The following JAM3 variants were observed in gnomAD, a reference collection of about 807,000 sequenced individuals.
The protein encoded by JAM3 is junctional adhesion molecule C.
In JAM3, 31 loss-of-function variants were observed where a neutral mutation model predicts 39.4. The observed-to-expected ratio is 0.79, with a 90% CI of 0.59 to 1.06. JAM3 has a LOEUF of 1.06. Among genes scored for constraint, JAM3 ranks in the 50% least tolerant of loss-of-function variants. The probability of loss-of-function intolerance (pLI) is 0.00; values close to 1 mark genes in which losing one functional copy is unlikely to be tolerated. For missense variants in JAM3, 455 were observed against 391.4 expected, an observed-to-expected ratio of 1.16 and a Z score of -1.37; for synonymous variants, 182 against 148.7, an observed-to-expected ratio of 1.22 and a Z score of -1.63.
intron 1 of JAM3, among the ~76,000 whole-genome samples, chr11:134,112,772 A>G (rs1008245794): frequency 2.6e-5 from 4 of 152,180 alleles, no homozygotes; most frequent in African/African-American, 4.8e-5. Context: ...ACATGCTCTT[A>G]CTCGTTTTGC....
At chr11:134,112,851 G>A (rs1942343908) in intron 1 of JAM3, among the ~76,000 whole-genome samples, 1 of 152,188 alleles carries the variant, frequency 6.6e-6, no homozygotes, top group African/African-American at 2.4e-5. Context: ...TGAATGGAGA[G>A]GGGTAGAGCA....
chr11:134,127,984 G>A (rs1279420267), intron 1 of JAM3, among the ~76,000 whole-genome samples: 3 of 151,972 alleles, frequency 2.0e-5, no homozygotes, highest in Non-Finnish European at 4.4e-5. Context: ...CTCTAAGAAA[G>A]CACATATTGA....
At position 134,144,942 on chromosome 11, in the gene JAM3, A is replaced by G. The variant is rs371455730; in HGVS notation, c.560A>G (p.Asn187Ser). 12 of 1,614,104 alleles carry G rather than the reference A, an allele frequency of 7.4e-6. No homozygotes were observed. Among genetic ancestry groups the G allele is most frequent in the Non-Finnish European group, 1.0e-5 (12 of 1,180,048 alleles). Residue 187 changes from asparagine (N) to serine (S), a missense_variant, in exon 5 of 9, where the codon AAT becomes AGT. Asn to Ser is a conservative substitution (Grantham distance 46). Coordinates refer to ENST00000299106, the MANE Select transcript of JAM3 (RefSeq NM_032801.5). ...DVPLPTDSRANPRFRNSSFHL... is the reference protein window; with the variant it reads ...DVPLPTDSRASPRFRNSSFHL... The stretch of plus-strand genomic sequence containing the variant: ...CCACTGCCCACGGATTCCAGAGCCA[A>G]TCCCAGATTTCGCAATTCTTCTTTC...
At chr11:134,086,939 G>A (rs1376060332) in intron 1 of JAM3, among the ~76,000 whole-genome samples, 2 of 151,898 alleles carry the variant, frequency 1.3e-5, no homozygotes, top group African/African-American at 4.8e-5. Flanking sequence ...CATGTAGCTG[G>A]GACCACAGGG....
intron 1 of JAM3, among the ~76,000 whole-genome samples, chr11:134,072,411 A>G (rs1175707112): frequency 1.3e-5 from 2 of 150,842 alleles, no homozygotes; most frequent in East Asian, 4.0e-4. Flanking sequence ...GGTTAAAGCC[A>G]TTCTCCTGCC....
intron 1 of JAM3, among the ~76,000 whole-genome samples, chr11:134,123,016 C>A (rs1468447231): frequency 6.6e-6 from 1 of 152,188 alleles, no homozygotes; most frequent in Non-Finnish European, 1.5e-5. Context: ...CAGCTAACTT[C>A]TTTGAGAAGA....
At chr11:134,080,633 C>A (rs1295377263) in intron 1 of JAM3, among the ~76,000 whole-genome samples, 1 of 152,206 alleles carries the variant, frequency 6.6e-6, no homozygotes, top group Non-Finnish European at 1.5e-5. Flanking sequence ...GCCTCCCCAA[C>A]CACGTGGAAC....
In JAM3 at chr11:134,149,417, G is replaced by A. The variant is rs959328038; in HGVS notation, c.*236G>A. 9 of 609,290 alleles carry A rather than the reference G, an allele frequency of 1.5e-5. No individual in the cohort carries two copies. Among genetic ancestry groups the A allele is most frequent in the Admixed American group, 2.6e-5 (1 of 38,540 alleles). The allele number at this position is 609,290 out of a possible 1,614,324, so 37.7% of individuals were successfully genotyped here. A position where few individuals can be genotyped will look rare whatever the true frequency, so the allele number is the denominator to read the frequency against. ...ACCACAAGGAAGCGAAACTGGGTGCGTTCACTGAGTTGGGTTCCTAATCTG... is the reference window on the plus strand; with the variant it reads ...ACCACAAGGAAGCGAAACTGGGTGCATTCACTGAGTTGGGTTCCTAATCTG... On this transcript the variant is annotated 3_prime_UTR_variant, in exon 9 of 9. Coordinates refer to ENST00000299106, the MANE Select transcript of JAM3 (RefSeq NM_032801.5).
At chr11:134,102,440 T>A (rs1015204180) in intron 1 of JAM3, among the ~76,000 whole-genome samples, 2 of 151,988 alleles carry the variant, frequency 1.3e-5, no homozygotes, top group African/African-American at 4.8e-5. Context: ...AGCTGAAAAT[T>A]CTAAAAATCA....
intron 1 of JAM3, among the ~76,000 whole-genome samples, chr11:134,072,497 A>G (rs1382878381): frequency 6.6e-6 from 1 of 152,156 alleles, no homozygotes; most frequent in Non-Finnish European, 1.5e-5. Context: ...TTTAGTAGAC[A>G]TGGGGTTTCA....
chr11:134,091,483 A>G (rs1003079451), intron 1 of JAM3, among the ~76,000 whole-genome samples: 1 of 151,844 alleles, frequency 6.6e-6, no homozygotes, highest in Non-Finnish European at 1.5e-5. Context: ...TGGGTGACAG[A>G]GCAAGACTCC....
intron 1 of JAM3, among the ~76,000 whole-genome samples, chr11:134,121,186 T>C (rs536741180): frequency 1.3e-5 from 2 of 152,222 alleles, no homozygotes; most frequent in African/African-American, 4.8e-5. Flanking sequence ...GGTTGGGAAA[T>C]GGTATTTTAA....
intron 1 of JAM3, among the ~76,000 whole-genome samples, chr11:134,124,534 C>T (rs1942605852): frequency 6.6e-6 from 1 of 152,126 alleles, no homozygotes; most frequent in Admixed American, 6.5e-5. Flanking sequence ...CACTTGAATC[C>T]AAATTCAACT....
chr11:134,138,399 C>T (rs909491062), intron 1 of JAM3, among the ~76,000 whole-genome samples: 1 of 114,740 alleles, frequency 8.7e-6, no homozygotes, highest in Non-Finnish European at 1.8e-5. Flanking sequence ...GGTGTCTCGT[C>T]GAAGTCGTGG....
chr11:134,107,916 A>AT (rs1377759202), intron 1 of JAM3, among the ~76,000 whole-genome samples: 5 of 152,028 alleles, frequency 3.3e-5, no homozygotes, highest in Non-Finnish European at 7.4e-5. Context: ...AAGAACACAT[A>AT]TTCAAAGTAA....
At chr11:134,083,653 G>C (rs1190795488) in intron 1 of JAM3, among the ~76,000 whole-genome samples, 1 of 151,740 alleles carries the variant, frequency 6.6e-6, no homozygotes, top group Admixed American at 6.6e-5. Flanking sequence ...GCATCTTTTA[G>C]CTCACATTAA....
chr11:134,100,911 T>G (rs1014535612), intron 1 of JAM3, among the ~76,000 whole-genome samples: 1 of 152,198 alleles, frequency 6.6e-6, no homozygotes. Context: ...TAAATATTTT[T>G]TGAGTAAAAA....
rs1943146021 is a variant in JAM3, at chr11:134,149,292, CAGA to C, written c.*114_*116del. The C allele has an allele frequency of 7.4e-7, 1 of 1,346,184 alleles. No individual in the cohort carries two copies. Among genetic ancestry groups the C allele is most frequent in the East Asian group, 2.4e-5 (1 of 41,978 alleles). 83.4% of individuals were successfully genotyped at this position (1,346,184 alleles called of 1,614,324 possible). A position where few individuals can be genotyped will look rare whatever the true frequency, so the allele number is the denominator to read the frequency against. On this transcript the variant is annotated 3_prime_UTR_variant, in exon 9 of 9. Transcript: ENST00000299106. Reference sequence around the variant, plus strand: ...ACTCGGACAGAGCTAGACACTCATTCAGAAGCTTTTCGTTTTGGCCAAAGTTGA... The same window carrying C: ...ACTCGGACAGAGCTAGACACTCATTCAGCTTTTCGTTTTGGCCAAAGTTGA...
chr11:134,123,646 A>G (rs1392100085), intron 1 of JAM3, among the ~76,000 whole-genome samples: 2 of 152,118 alleles, frequency 1.3e-5, no homozygotes, highest in Non-Finnish European at 2.9e-5. Context: ...CATTTTATTC[A>G]TTTTATAGAG....
Sources: allele counts gnomAD v4.1 joint callset (sites outside exome capture counted in the v4.1 genomes callset), GRCh38; gene constraint gnomAD v4.1.1; transcripts MANE v1.5; gene names NCBI Gene and HGNC (gene_info 2026-07-23, HGNC 2026-07-21).